The following CDC42BPB variants were observed in gnomAD, a reference collection of about 807,000 sequenced individuals.
The protein encoded by CDC42BPB is serine/threonine-protein kinase MRCK beta.
In CDC42BPB, 37 loss-of-function variants were observed where a neutral mutation model predicts 214.9. The ratio of observed to expected loss-of-function variants is 0.17; its 90% confidence interval spans 0.13 to 0.23. The LOEUF (loss-of-function observed/expected upper bound fraction) is 0.23. Ranked by LOEUF, CDC42BPB falls within the 10% of genes least tolerant of loss-of-function variation. The pLI, the probability that CDC42BPB is intolerant of heterozygous loss-of-function variation, is 1.00. For missense variants in CDC42BPB, 1,694 were observed against 2,227.0 expected (o/e 0.76, Z 4.82); for synonymous variants, 931 against 884.0 (o/e 1.05, Z -0.94).
intron 1 of CDC42BPB, among the ~76,000 whole-genome samples, chr14:103,017,743 A>G (rs955477991): frequency 4.1e-4 from 62 of 152,194 alleles, no homozygotes; most frequent in African/African-American, 1.5e-3. Flanking sequence ...AACTGATCAC[A>G]CAGAAAGGAA....
intron 12 of CDC42BPB, 194 bp from the exon 13 acceptor site, chr14:102,972,355 C>T (rs915373582): frequency 7.1e-6 from 7 of 985,142 alleles, no homozygotes; most frequent in Non-Finnish European, 8.4e-6. Flanking sequence ...ATGGGAAGGC[C>T]GCCTGGGCTC....
At chr14:103,056,657 G>C (rs990286438) in intron 1 of CDC42BPB, among the ~76,000 whole-genome samples, 3 of 150,966 alleles carry the variant, frequency 2.0e-5, no homozygotes, top group Non-Finnish European at 3.0e-5. Flanking sequence ...GAAGCCGCCA[G>C]GGCGAGGGCC....
At chr14:102,968,921 T>C in intron 14 of CDC42BPB, 1 of 984,238 alleles carries the variant, frequency 1.0e-6, no homozygotes, top group Non-Finnish European at 1.2e-6. Context: ...CAGGGGGATG[T>C]GCCCAGGTCT....
rs1182992498 is a variant in CDC42BPB, at chr14:102,975,997, T to C, written c.1273A>G (p.Thr425Ala). 3.1e-6 allele frequency: 5 copies of C among 1,614,232 alleles called. No homozygotes were observed. The South Asian group carries it at 4.4e-5, about 14-fold the overall frequency. The change falls in exon 10 of 37, where the codon ACC (threonine) becomes GCC (alanine). Residue 425 changes from threonine to alanine, a missense_variant. This residue lies in a region of CDC42BPB where 462 missense variants were observed against 513.5 expected (regional missense o/e 0.90). Coordinates refer to ENST00000361246, the MANE Select transcript of CDC42BPB (RefSeq NM_006035.4). Reference protein sequence around the residue: ...LKSIMQSNTLTKDEDVQRDLE... With the variant: ...LKSIMQSNTLAKDEDVQRDLE... ...TCCCGCTGCACATCCTCATCTTTGG[T>C]TAATGTGTTGGACTGCATTATGCTC...
intron 6 of CDC42BPB, among the ~76,000 whole-genome samples, chr14:102,984,204 G>A (rs1894132924): frequency 6.6e-6 from 1 of 152,142 alleles, no homozygotes; most frequent in East Asian, 1.9e-4. Context: ...ATCCCCCAGG[G>A]TTGGCATTTC....
In CDC42BPB at chr14:102,971,890, T is replaced by C. The variant is rs1484386805; in HGVS notation, c.1884+29A>G. 4.4e-6 allele frequency: 7 copies of C among 1,604,464 alleles called. No individual in the cohort carries two copies. In the South Asian group the frequency reaches 4.4e-5, roughly 10 times the overall value. ...AAAAGTCACACAAATGTCCAGTCGA[T>C]ACCATCCCTGAACCATCTCCACAGC... On this transcript the variant is annotated intron_variant, in intron 13 of 36. Coordinates refer to ENST00000361246, the MANE Select transcript of CDC42BPB (RefSeq NM_006035.4).
intron 1 of CDC42BPB, among the ~76,000 whole-genome samples, chr14:103,056,299 T>C (rs1428251684): frequency 2.0e-5 from 3 of 152,106 alleles, no homozygotes; most frequent in Non-Finnish European, 4.4e-5. Flanking sequence ...GCACGGTTTA[T>C]TTAAAATAAA....
Position 102,974,054 on chromosome 14 carries a change from G to A in CDC42BPB, c.1603C>T (p.His535Tyr), listed in dbSNP as rs1566872144. 1.2e-6 allele frequency: 2 copies of A among 1,613,678 alleles called. No individual in the cohort carries two copies. Among genetic ancestry groups the A allele is most frequent in the African/African-American group, 2.7e-5 (2 of 75,022 alleles). Reference protein sequence around the residue: ...TQRLRGLEKQHRVVRQEKEEL... With the variant: ...TQRLRGLEKQYRVVRQEKEEL... ...TCCTTCTCCTGCCGGACCACGCGGTGCTGCTTCTCCAGCCCCCGCAGCCGC... is the reference window on the plus strand; with the variant it reads ...TCCTTCTCCTGCCGGACCACGCGGTACTGCTTCTCCAGCCCCCGCAGCCGC... The change falls in exon 12 of 37, where the codon CAC (histidine) becomes TAC (tyrosine). Residue 535 changes from histidine to tyrosine, a missense_variant. This residue lies in a region of CDC42BPB where 462 missense variants were observed against 513.5 expected (regional missense o/e 0.90). Coordinates refer to ENST00000361246, the MANE Select transcript of CDC42BPB (RefSeq NM_006035.4).
chr14:103,041,378 CA>C lies in CDC42BPB; in HGVS notation c.175+15620del, dbSNP rs1159451315. The C allele has an allele frequency of 2.7e-5, 14 of 519,918 alleles. No individual in the cohort carries two copies. In the Admixed American group the frequency reaches 4.8e-4, roughly 18 times the overall value. The allele number at this position is 519,918 out of a possible 1,614,324, so 32.2% of individuals were successfully genotyped here. ...ACAGGTATGAAACTTTGTGACCTTGCACTGCCAATGGATTGTTAGATATGAC... is the reference window on the plus strand; with the variant it reads ...ACAGGTATGAAACTTTGTGACCTTGCCTGCCAATGGATTGTTAGATATGAC... On this transcript the variant is annotated intron_variant, in intron 1 of 36. Transcript: ENST00000361246.
At chr14:103,053,526 C>CT (rs1888736535) in intron 1 of CDC42BPB, among the ~76,000 whole-genome samples, 9 of 151,730 alleles carry the variant, frequency 5.9e-5, no homozygotes, top group Admixed American at 2.0e-4. Flanking sequence ...CTTTGGGAGG[C>CT]CAAGGGGGGC....
rs778561558 is a variant in CDC42BPB at position 102,940,075 on chromosome 14, C to T, written c.4562G>A (p.Arg1521His). Reference protein sequence around the residue: ...TLNLLNCEPPRLIYFKSKFSG... With the variant: ...TLNLLNCEPPHLIYFKSKFSG... ...GAACTTGCTCTTGAAGTAGATCAAGCGTGGAGGCTCGCAGTTGAGGAGGTT... is the reference window on the plus strand; with the variant it reads ...GAACTTGCTCTTGAAGTAGATCAAGTGTGGAGGCTCGCAGTTGAGGAGGTT... The change falls in exon 32 of 37, where the codon CGC becomes CAC. Residue 1521 changes from arginine (R) to histidine (H), a missense_variant. Physicochemically the swap from Arg to His is conservative, Grantham distance 29. Around this residue, in one of 7 missense-constraint regions of CDC42BPB, gnomAD observed 567 missense variants for 790.3 expected, o/e 0.72. Coordinates refer to ENST00000361246, the MANE Select transcript of CDC42BPB (RefSeq NM_006035.4). The T allele has an allele frequency of 4.3e-6, 7 of 1,613,848 alleles. No individual in the cohort carries two copies. Among genetic ancestry groups the T allele is most frequent in the Non-Finnish European group, 5.9e-6 (7 of 1,180,024 alleles).
intron 33 of CDC42BPB, 35 bp downstream of exon 33, chr14:102,939,795 G>A (rs1237365998): frequency 8.7e-6 from 14 of 1,613,900 alleles, no homozygotes; most frequent in South Asian, 4.4e-5. Flanking sequence ...TCCCTAGAGC[G>A]AGGCCCAGCA....
At chr14:102,998,919 T>A (rs1894860813) in intron 5 of CDC42BPB, among the ~76,000 whole-genome samples, 1 of 141,780 alleles carries the variant, frequency 7.1e-6, no homozygotes, top group Non-Finnish European at 1.5e-5. Flanking sequence ...AGGGAGGGGG[T>A]CTTGGGCGGT....
At chr14:102,936,681 C>T (rs1255298188) in intron 36 of CDC42BPB, among the ~76,000 whole-genome samples, 1 of 152,190 alleles carries the variant, frequency 6.6e-6, no homozygotes, top group Admixed American at 6.5e-5. Flanking sequence ...GTTTTAGAGA[C>T]AAGATCTCAC....
chr14:103,006,086 G>A (rs570599709), intron 3 of CDC42BPB, among the ~76,000 whole-genome samples: 7 of 151,542 alleles, frequency 4.6e-5, no homozygotes, highest in South Asian at 2.1e-4. Flanking sequence ...CATGACAAGC[G>A]GTCAACATTC....
chr14:103,026,707 T>C (rs919793278), intron 1 of CDC42BPB, among the ~76,000 whole-genome samples: 2 of 151,584 alleles, frequency 1.3e-5, no homozygotes, highest in Admixed American at 1.3e-4. Context: ...ACTAAAAATA[T>C]TTTTTAAAAA....
At chr14:103,034,476 C>T (rs1887556644) in intron 1 of CDC42BPB, among the ~76,000 whole-genome samples, 1 of 152,136 alleles carries the variant, frequency 6.6e-6, no homozygotes. Context: ...ATACAATCAA[C>T]AACAGGAATT....
At position 102,988,880 on chromosome 14, in the gene CDC42BPB, A is replaced by C. The variant is rs1238240087; in HGVS notation, c.597-2300T>G. ...AAACAACCCCCCCTTCCAAAAAAAA[A>C]AAAAAAACAAACAAACCAACACGTG... On this transcript the variant is annotated intron_variant, in intron 5 of 36. Coordinates refer to ENST00000361246, the MANE Select transcript of CDC42BPB (RefSeq NM_006035.4). 4.6e-5 allele frequency among the ~76,000 whole-genome samples: 7 copies of C among 151,642 alleles called. No individual in the cohort carries two copies. In the East Asian group the frequency reaches 1.2e-3, roughly 25 times the overall value.
chr14:102,954,530 G>T, intron 22 of CDC42BPB, 72 bp downstream of exon 22: 2 of 1,464,312 alleles, frequency 1.4e-6, no homozygotes, highest in East Asian at 2.3e-5. Context: ...GGGGCCAGGT[G>T]AGCAGCATCT....
Sources: gnomAD v4.1 joint callset for allele counts (sites outside exome capture counted in the v4.1 genomes callset) on GRCh38, gnomAD v4.1.1 for gene constraint, gnomAD v4.1.1 regional missense constraint, MANE v1.5 for transcripts, NCBI Gene and HGNC (gene_info 2026-07-23, HGNC 2026-07-21) for gene names.